The following SLC44A5 variants were observed in gnomAD, a reference collection of about 807,000 sequenced individuals.
SLC44A5 encodes the protein choline transporter-like protein 5.
A neutral mutation model predicts 101.8 loss-of-function variants in SLC44A5; 57 were observed. The observed-to-expected ratio is 0.56, with a 90% CI of 0.45 to 0.70. SLC44A5 has a LOEUF of 0.70. Among genes scored for constraint, SLC44A5 ranks in the 30% least tolerant of loss-of-function variants. SLC44A5 has a pLI of 0.00. For missense variants in SLC44A5, 737 were observed against 853.1 expected (o/e 0.86, Z 1.70); for synonymous variants, 281 against 290.9 (o/e 0.97, Z 0.35).
intron 7 of SLC44A5, 51 bp downstream of exon 7, chr1:75,251,159 C>T (rs1649534425): frequency 7.2e-7 from 1 of 1,396,940 alleles, no homozygotes; most frequent in Non-Finnish European, 1.0e-6. Context: ...TTCTTTTATC[C>T]AAGAATGTTC....
At chr1:75,695,835 A>G in the SLC44A5 span, among the ~76,000 whole-genome samples, 2 of 149,006 alleles carry the variant, frequency 1.3e-5, no homozygotes, top group Admixed American at 1.3e-4. Context: ...TATATAAATT[A>G]AATAGTATTC....
chr1:75,481,145 C>A lies in SLC44A5; in HGVS notation c.13+60290G>T, dbSNP rs143299351. ...CTTTGGCAAACCTGAGAAAAACAAGCAATGGGGAAAGGATTCCCTGTTTAA... is the reference window on the plus strand; with the variant it reads ...CTTTGGCAAACCTGAGAAAAACAAGAAATGGGGAAAGGATTCCCTGTTTAA... On this transcript the variant is annotated intron_variant, in intron 2 of 23. Transcript: ENST00000370859. 5.8e-3 allele frequency among the ~76,000 whole-genome samples: 886 copies of A among 152,270 alleles called. 4 individuals are homozygous for A. The highest frequency in any genetic ancestry group is 0.02 in the African/African-American group (849 of 41,538).
intron 2 of SLC44A5, among the ~76,000 whole-genome samples, chr1:75,532,931 T>C (rs370476626): frequency 1.4e-4 from 21 of 152,340 alleles, no homozygotes; most frequent in African/African-American, 4.3e-4. Context: ...AAATGTTAAC[T>C]ATTATTGATA....
the SLC44A5 span, chr1:75,723,925 G>A: frequency 2.0e-5 from 3 of 152,154 alleles, no homozygotes; most frequent in African/African-American, 7.2e-5. Flanking sequence ...GTTAGTATAA[G>A]ATTTAGTATA....
the SLC44A5 span, among the ~76,000 whole-genome samples, chr1:75,670,769 G>C: frequency 6.6e-6 from 1 of 152,132 alleles, no homozygotes; most frequent in Non-Finnish European, 1.5e-5. Flanking sequence ...TCTTCAAAGA[G>C]GGTTCTTGTG....
the SLC44A5 span, among the ~76,000 whole-genome samples, chr1:75,702,457 T>A: frequency 6.6e-6 from 1 of 152,098 alleles, no homozygotes; most frequent in African/African-American, 2.4e-5. Context: ...GCTAGCCATA[T>A]GTAGAAAGCT....
intron 3 of SLC44A5, among the ~76,000 whole-genome samples, chr1:75,384,156 C>A (rs967532299): frequency 6.6e-6 from 1 of 152,004 alleles, no homozygotes; most frequent in Non-Finnish European, 1.5e-5. Flanking sequence ...AACTAACGAG[C>A]AAAATAACCA....
chr1:75,213,451 G>C (rs1225197316), intron 22 of SLC44A5, among the ~76,000 whole-genome samples: 1 of 151,926 alleles, frequency 6.6e-6, no homozygotes, highest in Admixed American at 6.6e-5. Context: ...TAGGTCAGGA[G>C]GATCGGATTA....
At chr1:75,347,685 AGTGT>A (rs10677527) in intron 3 of SLC44A5, among the ~76,000 whole-genome samples, 1 of 147,938 alleles carries the variant, frequency 6.8e-6, no homozygotes, top group African/African-American at 2.5e-5. Flanking sequence ...AGTGGTGGTG[AGTGT>A]GTGTGTGTGT....
At chr1:75,680,491 C>A in the SLC44A5 span, among the ~76,000 whole-genome samples, 2 of 151,264 alleles carry the variant, frequency 1.3e-5, no homozygotes, top group East Asian at 3.9e-4. Context: ...GGAAACTGAA[C>A]AACCTGCTCC....
At chr1:75,677,091 A>G in the SLC44A5 span, among the ~76,000 whole-genome samples, 1 of 152,228 alleles carries the variant, frequency 6.6e-6, no homozygotes, top group Non-Finnish European at 1.5e-5. Flanking sequence ...CTCTCCTAAA[A>G]GAAATGTTAA....
intron 2 of SLC44A5, among the ~76,000 whole-genome samples, chr1:75,511,630 T>C (rs1055113004): frequency 6.6e-6 from 1 of 152,208 alleles, no homozygotes; most frequent in African/African-American, 2.4e-5. Flanking sequence ...GTGATATAAC[T>C]AATGCACTTT....
At chr1:75,371,109 C>T (rs1455071485) in intron 3 of SLC44A5, among the ~76,000 whole-genome samples, 1 of 152,186 alleles carries the variant, frequency 6.6e-6, no homozygotes, top group Non-Finnish European at 1.5e-5. Context: ...TCACATACTT[C>T]AAACTTCATG....
chr1:75,710,930 G>T, the SLC44A5 span, among the ~76,000 whole-genome samples: 43 of 152,226 alleles, frequency 2.8e-4, no homozygotes, highest in Middle Eastern at 3.4e-3. Context: ...GTCTCTCCTG[G>T]TAATTTTATT....
chr1:75,633,194 G>A, the SLC44A5 span, among the ~76,000 whole-genome samples: 1 of 152,252 alleles, frequency 6.6e-6, no homozygotes, highest in African/African-American at 2.4e-5. Flanking sequence ...GATTGGCTTG[G>A]CGATGCGGGC....
chr1:75,295,596 A>T (rs1383269609), intron 5 of SLC44A5, among the ~76,000 whole-genome samples: 1 of 152,224 alleles, frequency 6.6e-6, no homozygotes, highest in Non-Finnish European at 1.5e-5. Context: ...GTTCTGATCA[A>T]CCAAGAAGCC....
At chr1:75,539,345 C>A (rs1398502335) in intron 2 of SLC44A5, among the ~76,000 whole-genome samples, 1 of 151,066 alleles carries the variant, frequency 6.6e-6, no homozygotes, top group South Asian at 2.1e-4. Flanking sequence ...GGTCACTGTT[C>A]TCAATGTGTT....
chr1:75,206,295 T>A, intron 23 of SLC44A5: 1 of 224,642 alleles, frequency 4.5e-6, no homozygotes, highest in East Asian at 1.1e-4. Context: ...TATACACTTA[T>A]AAAAAGAAAG....
At chr1:75,507,881 G>C (rs1159337664) in intron 2 of SLC44A5, among the ~76,000 whole-genome samples, 1 of 152,096 alleles carries the variant, frequency 6.6e-6, no homozygotes, top group East Asian at 1.9e-4. Context: ...CACAAAACAA[G>C]TACTTCTAGG....
Sources: allele counts gnomAD v4.1 joint callset (sites outside exome capture counted in the v4.1 genomes callset), GRCh38; gene constraint gnomAD v4.1.1; transcripts MANE v1.5; gene names NCBI Gene and HGNC (gene_info 2026-07-23, HGNC 2026-07-21).